Variants in CCDC50 observed in about 807,000 individuals in gnomAD.
CCDC50 encodes coiled-coil domain containing 50, also known as coiled-coil domain-containing protein 50.
A neutral mutation model predicts 70.2 loss-of-function variants in CCDC50; 54 were observed. That is an observed-to-expected ratio of 0.77 (90% confidence interval 0.62 to 0.96). The LOEUF is 0.96. CCDC50 is among the 50% of genes least tolerant of loss of function. The pLI, the probability that CCDC50 is intolerant of heterozygous loss-of-function variation, is 0.00. For synonymous variants in CCDC50, 216 were observed against 198.8 expected (o/e 1.09, Z -0.73); for missense variants, 558 against 578.7 (o/e 0.96, Z 0.37).
chr3:191,361,136 C>T lies in CCDC50; in HGVS notation c.307C>T (p.Arg103Cys), dbSNP rs755289135. ...GCTGGCTATTGAGGCAGAGAGACGA[C>T]GCATTCAGGAGAAGAAGGATGAGGT... is the stretch of plus-strand genomic sequence containing the variant. ...EKLAIEAERR[R>C]IQEKKDEDIA... The change falls in exon 4 of 12, where the codon CGC becomes TGC. Residue 103 changes from arginine (R) to cysteine (C), a missense_variant. Arg to Cys is a radical substitution (Grantham distance 180). Transcript: ENST00000392455. The T allele has an allele frequency of 4.3e-6, 7 of 1,613,150 alleles. No individual in the cohort carries two copies. Among genetic ancestry groups the T allele is most frequent in the African/African-American group, 4.0e-5 (3 of 74,864 alleles).
rs1560176067 is a variant in CCDC50, at chr3:191,396,121, A to C, written c.*4361A>C. ...GCTGAAATTTAATTGTAGAGAAGTC[A>C]AGAAAGAAAGAGTAAACTGAGAAAA... On this transcript the variant is annotated 3_prime_UTR_variant, in exon 12 of 12. Coordinates refer to ENST00000392455, the MANE Select transcript of CCDC50 (RefSeq NM_178335.3). The C allele has an allele frequency of 6.6e-6, 1 of 152,182 alleles. No homozygotes were observed. The highest frequency in any genetic ancestry group is 1.5e-5 in the Non-Finnish European group (1 of 68,020). The allele number at this position is 152,182 out of a possible 1,614,324, so 9.4% of individuals were successfully genotyped here. A position where few individuals can be genotyped will look rare whatever the true frequency, so the allele number is the denominator to read the frequency against.
chr3:191,384,935 G>A (rs1713438373), intron 10 of CCDC50, among the ~76,000 whole-genome samples: 1 of 152,122 alleles, frequency 6.6e-6, no homozygotes, highest in African/African-American at 2.4e-5. Flanking sequence ...TTCTGTTTCT[G>A]TGTTAATTCA....
At chr3:191,391,720 C>T in intron 11 of CCDC50, 21 bp from the exon 12 acceptor site, 1 of 1,611,618 alleles carries the variant, frequency 6.2e-7, no homozygotes, top group Non-Finnish European at 8.5e-7. Context: ...ATTGTGTTTC[C>T]TTTTTTCTTC....
chr3:191,383,270 A>G (rs951910212), intron 10 of CCDC50, among the ~76,000 whole-genome samples: 1 of 152,136 alleles, frequency 6.6e-6, no homozygotes, highest in Non-Finnish European at 1.5e-5. Flanking sequence ...GAATCCTTGC[A>G]GACTGTCTAA....
chr3:191,387,385 TAA>T, intron 10 of CCDC50, among the ~76,000 whole-genome samples: 1 of 152,262 alleles, frequency 6.6e-6, no homozygotes, highest in African/African-American at 2.4e-5. Flanking sequence ...CTTAATACAA[TAA>T]AACTGTACAA....
chr3:191,353,005 T>C (rs1342454328), intron 1 of CCDC50, among the ~76,000 whole-genome samples: 1 of 141,580 alleles, frequency 7.1e-6, no homozygotes. Context: ...GAGCACACAT[T>C]GTGTGGAAGG....
rs776357824 is a variant in CCDC50 at position 191,380,854 on chromosome 3, A to G, written c.1164A>G (p.Glu388=). The G allele has an allele frequency of 1.2e-6, 2 of 1,613,058 alleles. No individual in the cohort carries two copies. Among genetic ancestry groups the G allele is most frequent in the Non-Finnish European group, 1.7e-6 (2 of 1,179,278 alleles). Residue 388 remains glutamate (E), a synonymous_variant, in exon 9 of 12, where the codon GAA becomes GAG. Coordinates refer to ENST00000392455, the MANE Select transcript of CCDC50 (RefSeq NM_178335.3). ...DEEIARLLMA[E]EKKAYKKAKE... The stretch of plus-strand genomic sequence containing the variant: ...AAATCGCTCGACTTCTAATGGCTGA[A>G]GAAAAGAAAGCTTACAAAAAAGCCA...
intron 10 of CCDC50, among the ~76,000 whole-genome samples, chr3:191,384,315 G>C (rs1012337333): frequency 6.6e-6 from 1 of 152,088 alleles, no homozygotes; most frequent in African/African-American, 2.4e-5. Context: ...GGAATTTTAT[G>C]AAACCTGTAT....
At chr3:191,359,207 C>T (rs537544822) in intron 3 of CCDC50, among the ~76,000 whole-genome samples, 99 of 152,198 alleles carry the variant, frequency 6.5e-4, no homozygotes, top group Middle Eastern at 3.4e-3. Flanking sequence ...CTTCACAAGA[C>T]GATGTGTTTA....
intron 10 of CCDC50, among the ~76,000 whole-genome samples, chr3:191,387,628 G>A (rs1432796988): frequency 1.3e-5 from 2 of 151,324 alleles, no homozygotes; most frequent in Non-Finnish European, 2.9e-5. Context: ...TACTTAAGAA[G>A]TACTCTTAAG....
At chr3:191,372,720 C>T (rs939571978) in intron 5 of CCDC50, among the ~76,000 whole-genome samples, 1 of 151,904 alleles carries the variant, frequency 6.6e-6, no homozygotes, top group South Asian at 2.1e-4. Flanking sequence ...AAATTTATAT[C>T]AACTCAAATG....
intron 1 of CCDC50, among the ~76,000 whole-genome samples, chr3:191,340,732 CAT>C (rs1055635681): frequency 1.3e-5 from 2 of 152,194 alleles, no homozygotes; most frequent in African/African-American, 2.4e-5. Flanking sequence ...GTATAGGAAA[CAT>C]ATTCTCCCTC....
intron 4 of CCDC50, among the ~76,000 whole-genome samples, chr3:191,365,670 T>C (rs186905093): frequency 2.2e-4 from 33 of 152,324 alleles, no homozygotes; most frequent in Non-Finnish European, 3.7e-4. Context: ...ATGGAACGAT[T>C]TTTTTCTCTG....
rs1713931853 is a variant in CCDC50 at position 191,398,447 on chromosome 3, A to G, written c.*6687A>G. On this transcript the variant is annotated 3_prime_UTR_variant, in exon 12 of 12. Coordinates refer to ENST00000392455, the MANE Select transcript of CCDC50 (RefSeq NM_178335.3). The stretch of plus-strand genomic sequence containing the variant: ...TTGTTAAGTCAGTGGTCTCTGTCTC[A>G]TGTTTTTGTTTTGTTTCTTTACAGC... 4 of 152,082 alleles carry G rather than the reference A, an allele frequency of 2.6e-5. No homozygotes were observed. The South Asian group carries it at 8.3e-4, about 31-fold the overall frequency. 9.4% of individuals were successfully genotyped at this position (152,082 alleles called of 1,614,324 possible).
intron 1 of CCDC50, among the ~76,000 whole-genome samples, chr3:191,355,808 A>T (rs1485410834): frequency 2.0e-5 from 3 of 152,234 alleles, no homozygotes; most frequent in Non-Finnish European, 4.4e-5. Context: ...GGTTGTATCC[A>T]GTTGAATATA....
intron 1 of CCDC50, among the ~76,000 whole-genome samples, chr3:191,349,966 A>ACCCACCC (rs1712049829): frequency 9.5e-6 from 1 of 105,622 alleles, no homozygotes; most frequent in African/African-American, 3.1e-5. Flanking sequence ...ATTTAATAAT[A>ACCCACCC]CCCCCCCCCT....
At chr3:191,376,336 G>A (rs1224113776) in intron 6 of CCDC50, among the ~76,000 whole-genome samples, 1 of 152,156 alleles carries the variant, frequency 6.6e-6, no homozygotes, top group African/African-American at 2.4e-5. Context: ...ATACAGGTAA[G>A]TTCTTGGTAC....
intron 1 of CCDC50, among the ~76,000 whole-genome samples, chr3:191,356,527 T>C (rs1712287854): frequency 6.6e-6 from 1 of 152,216 alleles, no homozygotes; most frequent in South Asian, 2.1e-4. Flanking sequence ...CACTGAAGAA[T>C]GTTTAAGAAA....
rs76983981 is a variant in CCDC50 at position 191,386,216 on chromosome 3, ATTTTT to A, written c.1323-3258_1323-3254del. Among the ~76,000 whole-genome samples the A allele has an allele frequency of 4.4e-4, 55 of 125,746 alleles. No homozygotes were observed. In the East Asian group the frequency reaches 0.014, roughly 31 times the overall value. The allele number at this position is 125,746 out of a possible 152,430, so 82.5% of individuals were successfully genotyped here. A position where few individuals can be genotyped will look rare whatever the true frequency, so the allele number is the denominator to read the frequency against. On this transcript the variant is annotated intron_variant, in intron 10 of 11. Coordinates refer to ENST00000392455, the MANE Select transcript of CCDC50 (RefSeq NM_178335.3). ...GTGGATTGCTTTGTTTAGTATGGGC[ATTTTT>A]TTTTTTTTTTTTTTTTTTTTTGAGA...
Sources: allele counts gnomAD v4.1 joint callset (sites outside exome capture counted in the v4.1 genomes callset), GRCh38; gene constraint gnomAD v4.1.1; transcripts MANE v1.5; gene names NCBI Gene and HGNC (gene_info 2026-07-23, HGNC 2026-07-21).